The following DOK5 variants were observed in gnomAD, a reference collection of about 807,000 sequenced individuals.
DOK5 encodes docking protein 5.
In DOK5, 27 loss-of-function variants were observed where a neutral mutation model predicts 43.3. The ratio of observed to expected loss-of-function variants is 0.62; its 90% CI spans 0.46 to 0.86. The LOEUF is 0.86. DOK5 is among the 40% of genes least tolerant of loss of function. The pLI is 0.00. For missense variants in DOK5, 373 were observed against 392.9 expected, an observed-to-expected ratio of 0.95 and a Z score of 0.43; for synonymous variants, 146 against 140.1, an observed-to-expected ratio of 1.04 and a Z score of -0.30.
intron 1 of DOK5, among the ~76,000 whole-genome samples, chr20:54,540,250 C>T (rs6098056): frequency 0.024 from 3,606 of 152,038 alleles, 142 homozygotes; most frequent in African/African-American, 0.082. Flanking sequence ...TGGTGTTGTG[C>T]GAGGGCCTGG....
chr20:54,606,994 A>G (rs1472646735), intron 5 of DOK5, among the ~76,000 whole-genome samples: 1 of 152,218 alleles, frequency 6.6e-6, no homozygotes, highest in East Asian at 1.9e-4. Flanking sequence ...TCACAACTTA[A>G]AAAGAAAATG....
intron 7 of DOK5, among the ~76,000 whole-genome samples, chr20:54,644,723 A>AAAAAAAAAAAAAACAC (rs1555839841): frequency 7.0e-6 from 1 of 142,404 alleles, no homozygotes; most frequent in Non-Finnish European, 1.5e-5. Flanking sequence ...AAAAAAAAAA[A>AAAAAAAAAAAAAACAC]ACAAAATTTA....
intron 1 of DOK5, among the ~76,000 whole-genome samples, chr20:54,533,028 C>A (rs1467068634): frequency 1.3e-5 from 2 of 152,194 alleles, no homozygotes; most frequent in Non-Finnish European, 2.9e-5. Flanking sequence ...ATTGCCTCAT[C>A]CAGTAGACCA....
At chr20:54,583,900 C>A (rs1221455469) in intron 2 of DOK5, among the ~76,000 whole-genome samples, 1 of 151,936 alleles carries the variant, frequency 6.6e-6, no homozygotes, top group Non-Finnish European at 1.5e-5. Context: ...GTGGCTCATA[C>A]CTGTAATCCT....
At chr20:54,569,615 G>A (rs1012828611) in intron 2 of DOK5, among the ~76,000 whole-genome samples, 11 of 152,270 alleles carry the variant, frequency 7.2e-5, no homozygotes, top group African/African-American at 2.2e-4. Flanking sequence ...CTGCCAGGAT[G>A]TCTCTAAGAA....
At chr20:54,503,457 G>C (rs965803383) in intron 1 of DOK5, among the ~76,000 whole-genome samples, 1 of 151,798 alleles carries the variant, frequency 6.6e-6, no homozygotes, top group Non-Finnish European at 1.5e-5. Context: ...TTTTATTCTT[G>C]ATTTTTTTTA....
chr20:54,536,267 T>C (rs1042050850), intron 1 of DOK5, among the ~76,000 whole-genome samples: 4 of 152,218 alleles, frequency 2.6e-5, no homozygotes, highest in African/African-American at 7.2e-5. Context: ...CATGGTAGAC[T>C]GTGAGTGCAT....
At chr20:54,584,437 C>A (rs1310284058) in intron 2 of DOK5, among the ~76,000 whole-genome samples, 1 of 151,500 alleles carries the variant, frequency 6.6e-6, no homozygotes, top group Non-Finnish European at 1.5e-5. Flanking sequence ...CAATCACATA[C>A]AAAAGCTGAA....
At chr20:54,591,257 G>A (rs1295743211) in intron 4 of DOK5, among the ~76,000 whole-genome samples, 2 of 152,014 alleles carry the variant, frequency 1.3e-5, no homozygotes, top group Non-Finnish European at 2.9e-5. Flanking sequence ...TGTGGATCTA[G>A]TTAATGTGTT....
At chr20:54,495,500 T>A (rs1982357514) in intron 1 of DOK5, among the ~76,000 whole-genome samples, 1 of 152,238 alleles carries the variant, frequency 6.6e-6, no homozygotes, top group South Asian at 2.1e-4. Flanking sequence ...ACTGTCAATT[T>A]CATTGGGCAG....
chr20:54,623,725 G>A (rs186666703), intron 6 of DOK5, among the ~76,000 whole-genome samples: 52 of 152,002 alleles, frequency 3.4e-4, no homozygotes, highest in East Asian at 1.9e-3. Flanking sequence ...GACTACAGGC[G>A]CCCACCACCA....
At position 54,558,798 on chromosome 20, in the gene DOK5, G is replaced by A. The variant is rs149627987; in HGVS notation, c.174+3758G>A. ...GTACTTCTCCCATTTTATTTTTAAAGATATTATTAAGAAAAAAATGCCAGT... is the reference window on the plus strand; with the variant it reads ...GTACTTCTCCCATTTTATTTTTAAAAATATTATTAAGAAAAAAATGCCAGT... On this transcript the variant is annotated intron_variant, in intron 2 of 7. Transcript: ENST00000262593. Among the ~76,000 whole-genome samples the A allele has an allele frequency of 4.6e-5, 7 of 152,004 alleles. No homozygotes were observed. The East Asian group carries it at 1.4e-3, about 29-fold the overall frequency.
In DOK5 at chr20:54,591,617, G is replaced by T. The variant is rs1985976107; in HGVS notation, c.411G>T (p.Glu137Asp). 1.3e-6 allele frequency: 2 copies of T among 1,585,632 alleles called. No individual in the cohort carries two copies. Among genetic ancestry groups the T allele is most frequent in the South Asian group, 2.3e-5 (2 of 86,852 alleles). ...ACTAACCTTTTGTTTTTCTCCCAGAGAGATTCAATGTGTATTTGATGCCAT... is the reference window on the plus strand; with the variant it reads ...ACTAACCTTTTGTTTTTCTCCCAGATAGATTCAATGTGTATTTGATGCCAT... ...LATGVEREQS[E>D]RFNVYLMPSP... is the part of the protein sequence containing the mutation. Residue 137 changes from glutamate to aspartate, a missense_variant and splice_region_variant, in exon 5 of 8, where the codon GAG becomes GAT. Physicochemically the swap from Glu to Asp is conservative, Grantham distance 45 (BLOSUM62 2). Transcript: ENST00000262593.
chr20:54,515,797 CT>C (rs1408584657), intron 1 of DOK5, among the ~76,000 whole-genome samples: 1 of 152,164 alleles, frequency 6.6e-6, no homozygotes, highest in Non-Finnish European at 1.5e-5. Flanking sequence ...TTTGTACCTC[CT>C]GGGGAGATGC....
At chr20:54,599,192 C>T (rs1986234849) in intron 5 of DOK5, among the ~76,000 whole-genome samples, 1 of 152,140 alleles carries the variant, frequency 6.6e-6, no homozygotes, top group African/African-American at 2.4e-5. Flanking sequence ...CTGAGCTCCC[C>T]CAACTATGTT....
chr20:54,525,418 AAC>A (rs1261009957), intron 1 of DOK5, among the ~76,000 whole-genome samples: 2 of 152,248 alleles, frequency 1.3e-5, no homozygotes, highest in Non-Finnish European at 2.9e-5. Context: ...TGTCAGAGAA[AAC>A]ATCCATTGAA....
At chr20:54,642,549 CAAA>C (rs66463305) in intron 6 of DOK5, among the ~76,000 whole-genome samples, 6 of 96,370 alleles carry the variant, frequency 6.2e-5, no homozygotes, top group Non-Finnish European at 1.1e-4. Context: ...ACTAAAAATA[CAAA>C]AAAAAAAAAA....
chr20:54,508,005 C>T (rs1478820951), intron 1 of DOK5, among the ~76,000 whole-genome samples: 2 of 152,084 alleles, frequency 1.3e-5, no homozygotes, highest in Non-Finnish European at 2.9e-5. Context: ...TAACAGCAAG[C>T]ATGTAAGCAC....
intron 2 of DOK5, among the ~76,000 whole-genome samples, chr20:54,571,071 T>A (rs538188335): frequency 6.6e-6 from 1 of 152,350 alleles, no homozygotes; most frequent in South Asian, 2.1e-4. Flanking sequence ...CTTAATTGGA[T>A]GGCATAAAGA....
Sources: allele counts gnomAD v4.1 joint callset (sites outside exome capture counted in the v4.1 genomes callset), GRCh38; gene constraint gnomAD v4.1.1; transcripts MANE v1.5; gene names NCBI Gene and HGNC (gene_info 2026-07-23, HGNC 2026-07-21).